Variants in MBOAT1 observed in about 807,000 individuals in gnomAD.
MBOAT1 encodes the protein membrane-bound glycerophospholipid O-acyltransferase 1.
In MBOAT1, 67 loss-of-function variants were observed where a neutral mutation model predicts 64.4. The observed-to-expected ratio is 1.04, with a 90% CI of 0.85 to 1.27. The LOEUF is 1.27. Among genes scored for constraint, MBOAT1 ranks in the 50% most tolerant of loss-of-function variants. The pLI, the probability that MBOAT1 is intolerant of heterozygous loss-of-function variation, is 0.00. For missense variants in MBOAT1, 563 were observed against 604.6 expected, an observed-to-expected ratio of 0.93 and a Z score of 0.72; for synonymous variants, 229 against 218.9, an observed-to-expected ratio of 1.05 and a Z score of -0.41.
intron 11 of MBOAT1, among the ~76,000 whole-genome samples, chr6:20,110,824 CTTGTCTGCCCA>C (rs1760116643): frequency 6.6e-6 from 1 of 152,090 alleles, no homozygotes; most frequent in Non-Finnish European, 1.5e-5. Flanking sequence ...GAAAAGTTAG[CTTGTCTGCCCA>C]TCCCATTTTG....
In MBOAT1 at chr6:20,144,273, G is replaced by A. The variant is rs1761263936; in HGVS notation, c.366C>T (p.His122=). ...FVAMGYLTIC[H]ISRIYIFHYG... ...AGTGGAAGATGTATATTCGGCTGAT[G>A]TGGCATATTGTAAGATATCCCATTG... The change falls in exon 4 of 13, where the codon CAC becomes CAT. Residue 122 remains histidine (H), a synonymous_variant. Transcript: ENST00000324607. 1.2e-6 allele frequency: 2 copies of A among 1,612,854 alleles called. No homozygotes were observed. Among genetic ancestry groups the A allele is most frequent in the Non-Finnish European group, 1.7e-6 (2 of 1,179,318 alleles).
chr6:20,181,417 T>C (rs1202211), intron 1 of MBOAT1, among the ~76,000 whole-genome samples: 100,799 of 152,068 alleles, frequency 0.66, 33,875 homozygotes, highest in African/African-American at 0.76. Context: ...TTCCCCTCCC[T>C]TTTCCACCCC....
At chr6:20,125,412 A>G (rs566447070) in intron 7 of MBOAT1, among the ~76,000 whole-genome samples, 1 of 152,354 alleles carries the variant, frequency 6.6e-6, no homozygotes, top group African/African-American at 2.4e-5. Flanking sequence ...AATTACAGCT[A>G]TACCACTGAT....
intron 1 of MBOAT1, among the ~76,000 whole-genome samples, chr6:20,167,421 G>A (rs951761161): frequency 7.2e-5 from 11 of 152,206 alleles, no homozygotes; most frequent in Admixed American, 2.0e-4. Context: ...ATAGGGGGCT[G>A]TTAATCTGTT....
intron 1 of MBOAT1, among the ~76,000 whole-genome samples, chr6:20,182,701 C>G (rs539393722): frequency 1.5e-4 from 23 of 152,170 alleles, no homozygotes; most frequent in Non-Finnish European, 2.5e-4. Context: ...CCCTGTGACA[C>G]CGTGCAGCTG....
At chr6:20,209,060 C>A (rs1476251531) in intron 1 of MBOAT1, among the ~76,000 whole-genome samples, 4 of 152,150 alleles carry the variant, frequency 2.6e-5, no homozygotes, top group African/African-American at 9.7e-5. Context: ...TCCCCCAAAA[C>A]AGGAAAGAAA....
At chr6:20,210,561 G>A (rs897299723) in intron 1 of MBOAT1, among the ~76,000 whole-genome samples, 1 of 151,662 alleles carries the variant, frequency 6.6e-6, no homozygotes, top group African/African-American at 2.4e-5. Flanking sequence ...TTTCTCCTTC[G>A]GTTTATCCCA....
At chr6:20,155,988 G>A (rs73384447) in intron 1 of MBOAT1, among the ~76,000 whole-genome samples, 1 of 152,092 alleles carries the variant, frequency 6.6e-6, no homozygotes, top group Non-Finnish European at 1.5e-5. Context: ...AAATTTTAGG[G>A]TCCAGCGCGG....
chr6:20,124,531 A>G lies in MBOAT1; in HGVS notation c.784T>C (p.Phe262Leu), dbSNP rs757553334. ...LLLFLTLTKT[F>L]PVTCLVDDWF... ...TCATCCACAAGGCAGGTGACAGGAA[A>G]GGTCTTCGTTAGCGTCAAAAACAAA... The change falls in exon 8 of 13, where the codon TTT becomes CTT. Residue 262 changes from phenylalanine to leucine, a missense_variant. Coordinates refer to ENST00000324607, the MANE Select transcript of MBOAT1 (RefSeq NM_001080480.3). 2 of 1,614,236 alleles carry G rather than the reference A, an allele frequency of 1.2e-6. No homozygotes were observed. Among genetic ancestry groups the G allele is most frequent in the Non-Finnish European group, 1.7e-6 (2 of 1,180,036 alleles).
intron 12 of MBOAT1, among the ~76,000 whole-genome samples, chr6:20,104,017 T>C (rs977568867): frequency 3.3e-5 from 5 of 152,194 alleles, no homozygotes; most frequent in African/African-American, 1.2e-4. Flanking sequence ...TCCTTTTTTA[T>C]CTTTGCCAGA....
At chr6:20,154,794 C>T (rs185857465) in intron 1 of MBOAT1, among the ~76,000 whole-genome samples, 108 of 152,234 alleles carry the variant, frequency 7.1e-4, no homozygotes, top group Non-Finnish European at 1.4e-3. Context: ...ACTCACATTC[C>T]CTAAGACTGG....
At chr6:20,173,222 T>A (rs1415881544) in intron 1 of MBOAT1, among the ~76,000 whole-genome samples, 2 of 152,226 alleles carry the variant, frequency 1.3e-5, no homozygotes, top group Admixed American at 1.3e-4. Flanking sequence ...TCTCAGGTAT[T>A]GCTTTATAGC....
intron 1 of MBOAT1, among the ~76,000 whole-genome samples, chr6:20,172,862 C>G (rs1484044284): frequency 1.3e-5 from 2 of 152,224 alleles, no homozygotes; most frequent in East Asian, 3.9e-4. Context: ...ATCAGTGTCC[C>G]CACCAAATCT....
At chr6:20,202,602 A>C (rs918061925) in intron 1 of MBOAT1, among the ~76,000 whole-genome samples, 1 of 150,282 alleles carries the variant, frequency 6.7e-6, no homozygotes, top group African/African-American at 2.4e-5. Context: ...TGATTTATCA[A>C]GGGCTTTTTT....
chr6:20,148,819 T>A (rs541238040), intron 3 of MBOAT1, among the ~76,000 whole-genome samples: 17 of 152,228 alleles, frequency 1.1e-4, no homozygotes, highest in African/African-American at 3.1e-4. Flanking sequence ...AAGAGGGGCA[T>A]CAGCCAGGCA....
At chr6:20,124,351 C>A in intron 8 of MBOAT1, 57 bp downstream of exon 8, 4 of 1,549,546 alleles carry the variant, frequency 2.6e-6, no homozygotes, top group Non-Finnish European at 3.5e-6. Flanking sequence ...TCTGGCTAAG[C>A]CATTCAAGCA....
intron 11 of MBOAT1, among the ~76,000 whole-genome samples, chr6:20,111,095 A>T (rs1255744858): frequency 6.6e-6 from 1 of 152,204 alleles, no homozygotes; most frequent in Non-Finnish European, 1.5e-5. Context: ...AAATAAACTG[A>T]GACTTAGGTA....
intron 5 of MBOAT1, among the ~76,000 whole-genome samples, chr6:20,130,023 T>C (rs1249742974): frequency 6.6e-6 from 1 of 152,162 alleles, no homozygotes; most frequent in Non-Finnish European, 1.5e-5. Context: ...CTGGGTCAAA[T>C]GAAATTAAAT....
rs142801671 is a variant in MBOAT1 at position 20,152,885 on chromosome 6, T to A, written c.100-116A>T. 2,300 of 1,150,750 alleles carry A rather than the reference T, an allele frequency of 2.0e-3. 28 individuals are homozygous for A. In the African/African-American group the frequency reaches 0.031, roughly 16 times the overall value. The allele number at this position is 1,150,750 out of a possible 1,614,324, so 71.3% of individuals were successfully genotyped here. On this transcript the variant is annotated intron_variant, in intron 1 of 12. Transcript: ENST00000324607. The stretch of plus-strand genomic sequence containing the variant: ...TCTCGTTCTGTCGCCCAGGCTGGAG[T>A]GCAGTGGCGCAAACTCGGCTCACTG...
Sources: allele counts gnomAD v4.1 joint callset (sites outside exome capture counted in the v4.1 genomes callset), GRCh38; gene constraint gnomAD v4.1.1; transcripts MANE v1.5; gene names NCBI Gene and HGNC (gene_info 2026-07-23, HGNC 2026-07-21).